Variants in CDK14 observed in about 807,000 individuals in gnomAD.
The protein encoded by CDK14 is cyclin-dependent kinase 14.
Under a neutral mutation model 60.7 loss-of-function variants are expected in CDK14, and 34 were observed. That is an observed-to-expected ratio of 0.56 (90% CI 0.43 to 0.75). The LOEUF is 0.75. CDK14 is among the 30% of genes least tolerant of loss of function. The pLI is 0.00. For synonymous variants in CDK14, 197 were observed against 203.7 expected (o/e 0.97, Z 0.28); for missense variants, 482 against 564.1 (o/e 0.85, Z 1.47).
Position 91,038,495 on chromosome 7 carries a change from C to A in CDK14, c.1042-7402C>A, listed in dbSNP as rs1308373863. ...AACTGTGACAATTTTTACTAAGAAG[C>A]CTACAGTGCTATAATGGTATATTAT... On this transcript the variant is annotated intron_variant, in intron 10 of 14. Coordinates refer to ENST00000380050, the MANE Select transcript of CDK14 (RefSeq NM_001287135.2). Among the ~76,000 whole-genome samples the A allele has an allele frequency of 2.6e-5, 4 of 152,262 alleles. No individual in the cohort carries two copies. The East Asian group carries it at 5.8e-4, about 22-fold the overall frequency.
intron 2 of CDK14, among the ~76,000 whole-genome samples, chr7:90,707,234 A>G (rs1316451215): frequency 2.0e-5 from 3 of 152,248 alleles, no homozygotes; most frequent in Non-Finnish European, 4.4e-5. Flanking sequence ...TCCTGTGTTC[A>G]CTGGTTTACT....
chr7:91,061,326 T>G (rs1562887966), intron 11 of CDK14, among the ~76,000 whole-genome samples: 1 of 152,192 alleles, frequency 6.6e-6, no homozygotes, highest in Non-Finnish European at 1.5e-5. Flanking sequence ...GGCTTTTAAC[T>G]TGTTTGCCGT....
At chr7:90,923,889 C>A (rs577272400) in intron 8 of CDK14, among the ~76,000 whole-genome samples, 1 of 152,240 alleles carries the variant, frequency 6.6e-6, no homozygotes, top group South Asian at 2.1e-4. Context: ...TGTAGAAAGA[C>A]TGGAACCTTA....
intron 4 of CDK14, among the ~76,000 whole-genome samples, chr7:90,763,426 C>T (rs1007070380): frequency 6.6e-6 from 1 of 152,130 alleles, no homozygotes; most frequent in Non-Finnish European, 1.5e-5. Flanking sequence ...TAGACCACAC[C>T]TCTCAATGAG....
At chr7:91,133,308 G>A (rs1021530044) in intron 14 of CDK14, among the ~76,000 whole-genome samples, 21 of 152,052 alleles carry the variant, frequency 1.4e-4, no homozygotes, top group Non-Finnish European at 7.4e-5. Context: ...ACACTGTGAA[G>A]TATTTGACAA....
At chr7:91,142,994 T>C (rs1477460266) in intron 14 of CDK14, among the ~76,000 whole-genome samples, 2 of 152,186 alleles carry the variant, frequency 1.3e-5, no homozygotes, top group Non-Finnish European at 2.9e-5. Flanking sequence ...ATACGGATGA[T>C]TCACCCAAGG....
At chr7:90,939,905 C>A (rs1422720516) in intron 8 of CDK14, among the ~76,000 whole-genome samples, 1 of 152,118 alleles carries the variant, frequency 6.6e-6, no homozygotes, top group African/African-American at 2.4e-5. Context: ...GTCTTTAACT[C>A]ACTCCTGCCA....
chr7:90,642,425 T>C (rs1800360449), intron 2 of CDK14, among the ~76,000 whole-genome samples: 1 of 152,250 alleles, frequency 6.6e-6, no homozygotes, highest in Admixed American at 6.5e-5. Flanking sequence ...ATTTTGATGT[T>C]TTAAATATGA....
chr7:90,797,752 A>C (rs1023938201), intron 5 of CDK14, among the ~76,000 whole-genome samples: 3 of 151,938 alleles, frequency 2.0e-5, no homozygotes, highest in Admixed American at 1.3e-4. Flanking sequence ...AGCAGGAGGA[A>C]TAGAGAGAGG....
chr7:91,034,969 C>CAA (rs1344270748), intron 10 of CDK14, among the ~76,000 whole-genome samples: 42 of 151,876 alleles, frequency 2.8e-4, no homozygotes, highest in African/African-American at 9.4e-4. Context: ...CACACACACA[C>CAA]ACACACACAT....
chr7:90,888,941 C>A (rs1443596270), intron 6 of CDK14, among the ~76,000 whole-genome samples: 1 of 152,218 alleles, frequency 6.6e-6, no homozygotes, highest in East Asian at 1.9e-4. Context: ...GCATATAAAT[C>A]ATACTGCTTA....
At position 91,192,379 on chromosome 7, in the gene CDK14, G is replaced by A. The variant is rs188239747; in HGVS notation, c.*29-14786G>A. On this transcript the variant is annotated intron_variant, in intron 14 of 14. Transcript: ENST00000380050. Reference sequence around the variant, plus strand: ...TTTGTCCAGAAAGTAGGAGTGGGAAGTACATCTCCAGCTTGCATTTCTGAG... The same window carrying A: ...TTTGTCCAGAAAGTAGGAGTGGGAAATACATCTCCAGCTTGCATTTCTGAG... Among the ~76,000 whole-genome samples, 644 of 152,294 alleles carry A rather than the reference G, an allele frequency of 4.2e-3. 5 individuals carry two copies. Among genetic ancestry groups the A allele is most frequent in the Admixed American group, 5.3e-3 (81 of 15,294 alleles).
At position 90,690,064 on chromosome 7, in the gene CDK14, A is replaced by G. The variant is rs961105351; in HGVS notation, c.124-36503A>G. ...TTGCTTACCTTTTTAAAAAGTAAAT[A>G]TTTTCTTCTGTGTACTTAACAAACT... On this transcript the variant is annotated intron_variant, in intron 2 of 14. Transcript: ENST00000380050. Among the ~76,000 whole-genome samples the G allele has an allele frequency of 1.8e-4, 27 of 152,204 alleles. 1 individual carries two copies. Among genetic ancestry groups the G allele is most frequent in the African/African-American group, 6.5e-4 (27 of 41,554 alleles).
chr7:90,836,842 A>G (rs1034901716), intron 5 of CDK14, among the ~76,000 whole-genome samples: 1 of 152,212 alleles, frequency 6.6e-6, no homozygotes, highest in South Asian at 2.1e-4. Flanking sequence ...GACATTTTTA[A>G]GCTCTATCAT....
intron 3 of CDK14, among the ~76,000 whole-genome samples, chr7:90,728,009 G>T (rs186850765): frequency 1.3e-5 from 2 of 152,056 alleles, no homozygotes; most frequent in Non-Finnish European, 2.9e-5. Flanking sequence ...TTTATCTGTC[G>T]TTGATTACTT....
At chr7:90,647,041 T>G (rs1476997699) in intron 2 of CDK14, among the ~76,000 whole-genome samples, 1 of 152,224 alleles carries the variant, frequency 6.6e-6, no homozygotes, top group Non-Finnish European at 1.5e-5. Flanking sequence ...CATGAAAATA[T>G]ATGCTTTACT....
Position 90,596,343 on chromosome 7 carries a change from G to T in CDK14, c.-285G>T, listed in dbSNP as rs1483783654. On this transcript the variant is annotated 5_prime_UTR_variant, in exon 1 of 15. Coordinates refer to ENST00000380050, the MANE Select transcript of CDK14 (RefSeq NM_001287135.2). ...GTTACAAAGGAGGGAAAATGAGCCG[G>T]GCGGCGGCGGCGCGGCGCGGGGCCA... Among the ~76,000 whole-genome samples the T allele has an allele frequency of 6.7e-6, 1 of 149,988 alleles. No individual in the cohort carries two copies. The highest frequency in any genetic ancestry group is 1.5e-5 in the Non-Finnish European group (1 of 67,318).
At chr7:91,048,118 G>C (rs1400319531) in intron 11 of CDK14, among the ~76,000 whole-genome samples, 1 of 152,006 alleles carries the variant, frequency 6.6e-6, no homozygotes, top group Admixed American at 6.6e-5. Flanking sequence ...CAAGCAATAG[G>C]AACAAGGAGC....
At chr7:90,828,521 T>TA (rs869121763) in intron 5 of CDK14, among the ~76,000 whole-genome samples, 39 of 12,506 alleles carry the variant, frequency 3.1e-3, no homozygotes, top group African/African-American at 0.012. Context: ...TTGTTTAATA[T>TA]TTTTTTTCCC....
Sources: gnomAD v4.1 joint callset for allele counts (sites outside exome capture counted in the v4.1 genomes callset) on GRCh38, gnomAD v4.1.1 for gene constraint, MANE v1.5 for transcripts, NCBI Gene and HGNC (gene_info 2026-07-23, HGNC 2026-07-21) for gene names.